The following PCDHGB5 variants were observed in gnomAD, a reference collection of about 807,000 sequenced individuals.
The protein encoded by PCDHGB5 is protocadherin gamma subfamily B, 5.
A neutral mutation model predicts 62.9 loss-of-function variants in PCDHGB5; 48 were observed. That is an observed-to-expected ratio of 0.76 (90% CI 0.61 to 0.97). The LOEUF is 0.97. Among genes scored for constraint, PCDHGB5 ranks in the 50% least tolerant of loss-of-function variants. The pLI is 0.00. For synonymous variants in PCDHGB5, 474 were observed against 511.2 expected (o/e 0.93, Z 0.98); for missense variants, 1,118 against 1,198.6 (o/e 0.93, Z 0.99).
At chr5:141,406,649 G>A (rs1447190497) in intron 1 of PCDHGB5, among the ~76,000 whole-genome samples, 2 of 152,098 alleles carry the variant, frequency 1.3e-5, no homozygotes, top group African/African-American at 2.4e-5. Flanking sequence ...ATTTCCTAAT[G>A]CTTTAATGTT....
chr5:141,404,073 G>A lies in PCDHGB5; in HGVS notation c.2397+3549G>A, dbSNP rs746951310. On this transcript the variant is annotated intron_variant, in intron 1 of 3. Transcript: ENST00000617380. The stretch of plus-strand genomic sequence containing the variant: ...ATTCTTCTTTTCAATGCTCATGACC[G>A]AGACTCCGGGAAGAATGGTCAAGTT... The A allele has an allele frequency of 1.5e-5, 24 of 1,613,602 alleles. No individual in the cohort carries two copies. Among genetic ancestry groups the A allele is most frequent in the Non-Finnish European group, 1.9e-5 (22 of 1,179,684 alleles).
chr5:141,510,813 C>T, intron 3 of PCDHGB5, 134 bp from the exon 4 acceptor site: 1 of 1,537,024 alleles, frequency 6.5e-7, no homozygotes, highest in South Asian at 1.2e-5. Flanking sequence ...CTTGGTGACC[C>T]CTATATTCCC....
chr5:141,423,624 T>A (rs756883871), intron 1 of PCDHGB5: 9 of 1,607,038 alleles, frequency 5.6e-6, no homozygotes, highest in African/African-American at 1.3e-5. Flanking sequence ...AAGACTCAGC[T>A]ATCATTTTAG....
intron 1 of PCDHGB5, chr5:141,413,606 TA>T (rs778210256): frequency 6.8e-6 from 11 of 1,613,848 alleles, no homozygotes; most frequent in Admixed American, 5.0e-5. Context: ...AATCTAGACG[TA>T]AAAATTAATG....
chr5:141,448,426 T>C (rs892222815), intron 1 of PCDHGB5, among the ~76,000 whole-genome samples: 1 of 152,164 alleles, frequency 6.6e-6, no homozygotes, highest in Non-Finnish European at 1.5e-5. Context: ...ATACTATGTA[T>C]ATATTGAGAA....
intron 3 of PCDHGB5, 110 bp from the exon 4 acceptor site, chr5:141,510,837 G>A (rs969654751): frequency 1.3e-6 from 2 of 1,586,392 alleles, no homozygotes; most frequent in Non-Finnish European, 8.6e-7. Context: ...GCTCAGCGTG[G>A]TCAAGGCCCA....
chr5:141,492,719 C>A (rs1367632029), intron 1 of PCDHGB5, among the ~76,000 whole-genome samples: 1 of 152,280 alleles, frequency 6.6e-6, no homozygotes, highest in Non-Finnish European at 1.5e-5. Context: ...AGCAGGCGGA[C>A]AGGCAGAGCT....
intron 1 of PCDHGB5, chr5:141,405,551 A>G: frequency 1.6e-6 from 1 of 623,672 alleles, no homozygotes; most frequent in Non-Finnish European, 2.8e-6. Context: ...TCCCAAGTAG[A>G]GTAGCTGGGA....
At chr5:141,435,391 A>C (rs1328617100) in intron 1 of PCDHGB5, among the ~76,000 whole-genome samples, 5 of 152,202 alleles carry the variant, frequency 3.3e-5, no homozygotes, top group African/African-American at 1.2e-4. Flanking sequence ...CCGTATTGCC[A>C]TGACGAAAAA....
intron 1 of PCDHGB5, among the ~76,000 whole-genome samples, chr5:141,480,386 A>G (rs966068994): frequency 6.6e-6 from 1 of 151,826 alleles, no homozygotes; most frequent in Non-Finnish European, 1.5e-5. Context: ...CTACACTTCA[A>G]CCATGGCAAT....
rs2095058812 is a variant in PCDHGB5 at position 141,408,208 on chromosome 5, A to T, written c.2397+7684A>T. ...AGCGAGAACCCGAGCGAACGATGGGAGGGAGCTGCGCGCAGAGGCGCCGGG... is the reference window on the plus strand; with the variant it reads ...AGCGAGAACCCGAGCGAACGATGGGTGGGAGCTGCGCGCAGAGGCGCCGGG... On this transcript the variant is annotated intron_variant, in intron 1 of 3. Transcript: ENST00000617380. The T allele has an allele frequency of 1.9e-6, 3 of 1,553,236 alleles. No homozygotes were observed. The East Asian group carries it at 7.3e-5, about 38-fold the overall frequency.
intron 1 of PCDHGB5, chr5:141,422,771 T>C (rs2096671394): frequency 6.2e-7 from 1 of 1,613,954 alleles, no homozygotes; most frequent in Non-Finnish European, 8.5e-7. Flanking sequence ...ACTGGTGTTC[T>C]CTATGCCCTA....
chr5:141,492,461 G>T (rs1218833302), intron 1 of PCDHGB5, among the ~76,000 whole-genome samples: 1 of 152,212 alleles, frequency 6.6e-6, no homozygotes, highest in Non-Finnish European at 1.5e-5. Flanking sequence ...CGCGCCTGAG[G>T]GTCCCAGATC....
At chr5:141,422,758 A>G in intron 1 of PCDHGB5, 1 of 1,613,150 alleles carries the variant, frequency 6.2e-7, no homozygotes, top group Non-Finnish European at 8.5e-7. Flanking sequence ...TATTAACTCC[A>G]ACACTGGTGT....
intron 1 of PCDHGB5, chr5:141,421,032 C>A: frequency 1.9e-6 from 1 of 533,288 alleles, no homozygotes; most frequent in Non-Finnish European, 3.3e-6. Flanking sequence ...GCCATTGAGT[C>A]CCTCCCTCCC....
chr5:141,481,183 G>A (rs2099533234), intron 1 of PCDHGB5, among the ~76,000 whole-genome samples: 1 of 152,146 alleles, frequency 6.6e-6, no homozygotes, highest in African/African-American at 2.4e-5. Flanking sequence ...GCTTTATTGG[G>A]CCAGGCCCAA....
chr5:141,405,612 C>T, intron 1 of PCDHGB5: 1 of 557,514 alleles, frequency 1.8e-6, no homozygotes, highest in Non-Finnish European at 3.2e-6. Flanking sequence ...ATAACTGGGA[C>T]TACAGGCACG....
chr5:141,485,070 G>T lies in PCDHGB5; in HGVS notation c.2398-9737G>T. ...CGCCGGCCGAACCGCGCCAGAGCTG[G>T]CGCGGGGAAAGGGAGATAGGTGTCT... On this transcript the variant is annotated intron_variant, in intron 1 of 3. Coordinates refer to ENST00000617380, the MANE Select transcript of PCDHGB5 (RefSeq NM_018925.3). This position sits in a 1 kb window ranked among gnomAD's most constrained non-coding sequence, Gnocchi z 5.7. 1.1e-6 allele frequency: 1 copy of T among 908,406 alleles called. No individual in the cohort carries two copies. Among genetic ancestry groups the T allele is most frequent in the East Asian group, 2.4e-5 (1 of 41,326 alleles). 56.3% of individuals were successfully genotyped at this position (908,406 alleles called of 1,614,324 possible).
chr5:141,436,859 A>G (rs550974791), intron 1 of PCDHGB5, among the ~76,000 whole-genome samples: 7 of 152,250 alleles, frequency 4.6e-5, no homozygotes, highest in Non-Finnish European at 1.0e-4. Flanking sequence ...TTGAGAAGCC[A>G]CAGTTTTAGG....
Sources: allele counts gnomAD v4.1 joint callset (sites outside exome capture counted in the v4.1 genomes callset), GRCh38; gene constraint gnomAD v4.1.1; non-coding constraint Gnocchi (gnomAD v3.1); transcripts MANE v1.5; gene names NCBI Gene and HGNC (gene_info 2026-07-23, HGNC 2026-07-21).